The following ASAP1 variants were observed in gnomAD, a reference collection of about 807,000 sequenced individuals.
The protein encoded by ASAP1 is arf-GAP with SH3 domain, ANK repeat and PH domain-containing protein 1.
In ASAP1, 43 loss-of-function variants were observed where a neutral mutation model predicts 145.2. The observed-to-expected ratio is 0.30, with a 90% CI of 0.23 to 0.38. The LOEUF is 0.38. Ranked by LOEUF, ASAP1 falls within the 10% of genes least tolerant of loss-of-function variation. The pLI is 1.00. For missense variants in ASAP1, 1,018 were observed against 1,355.3 expected (o/e 0.75, Z 3.91); for synonymous variants, 546 against 515.5 (o/e 1.06, Z -0.80).
At chr8:130,314,344 T>C (rs769442846) in intron 3 of ASAP1, among the ~76,000 whole-genome samples, 1 of 152,242 alleles carries the variant, frequency 6.6e-6, no homozygotes, top group Non-Finnish European at 1.5e-5. Flanking sequence ...ACCAGCTGTA[T>C]TGCTAGGCAT....
chr8:130,064,095 G>A (rs2097425088), intron 27 of ASAP1, among the ~76,000 whole-genome samples: 1 of 152,114 alleles, frequency 6.6e-6, no homozygotes, highest in Non-Finnish European at 1.5e-5. Flanking sequence ...TGGGGGTTGC[G>A]AGAAGAACCA....
At chr8:130,088,251 C>T (rs2097498049) in intron 25 of ASAP1, among the ~76,000 whole-genome samples, 1 of 152,182 alleles carries the variant, frequency 6.6e-6, no homozygotes, top group African/African-American at 2.4e-5. Context: ...CTGTCTTAGC[C>T]TCCCGAGTAG....
chr8:130,284,854 C>CACACAT (rs1484486603), intron 3 of ASAP1, among the ~76,000 whole-genome samples: 4 of 149,074 alleles, frequency 2.7e-5, no homozygotes, highest in Admixed American at 6.8e-5. Flanking sequence ...CACACACACA[C>CACACAT]ACACACACAC....
chr8:130,175,569 T>A (rs902471386), intron 9 of ASAP1, among the ~76,000 whole-genome samples: 10 of 152,108 alleles, frequency 6.6e-5, no homozygotes, highest in Non-Finnish European at 1.3e-4. Flanking sequence ...CAGACTCTTA[T>A]CAGAAAAATA....
chr8:130,208,581 C>G (rs942601585), intron 5 of ASAP1: 1 of 151,648 alleles, frequency 6.6e-6, no homozygotes, highest in Non-Finnish European at 1.5e-5. Flanking sequence ...TAAAAGCTTA[C>G]AGGGGTATAA....
intron 3 of ASAP1, among the ~76,000 whole-genome samples, chr8:130,343,287 A>T (rs945180526): frequency 2.0e-5 from 3 of 152,212 alleles, no homozygotes; most frequent in Non-Finnish European, 4.4e-5. Flanking sequence ...ATACGGGCTG[A>T]TAAGGCAGAG....
chr8:130,139,148 G>T (rs1290426786), intron 13 of ASAP1, among the ~76,000 whole-genome samples: 1 of 152,168 alleles, frequency 6.6e-6, no homozygotes, highest in Non-Finnish European at 1.5e-5. Flanking sequence ...AGAGATGATT[G>T]AAAGGGTGGA....
chr8:130,169,425 G>A (rs1206113817), intron 9 of ASAP1, among the ~76,000 whole-genome samples: 2 of 152,194 alleles, frequency 1.3e-5, no homozygotes, highest in African/African-American at 4.8e-5. Context: ...GAATTTGAAG[G>A]AGAGAGAAGG....
At chr8:130,229,924 T>C (rs1269346058) in intron 4 of ASAP1, among the ~76,000 whole-genome samples, 2 of 151,962 alleles carry the variant, frequency 1.3e-5, no homozygotes, top group African/African-American at 4.8e-5. Flanking sequence ...TAGCTGGGCA[T>C]GGTGGCATGC....
chr8:130,297,033 G>A (rs1201864374), intron 3 of ASAP1, among the ~76,000 whole-genome samples: 1 of 152,144 alleles, frequency 6.6e-6, no homozygotes, highest in African/African-American at 2.4e-5. Context: ...TTAAAAAACT[G>A]ATACCAGGGC....
At chr8:130,136,900 G>A in intron 14 of ASAP1, 51 bp downstream of exon 14, 7 of 1,438,320 alleles carry the variant, frequency 4.9e-6, no homozygotes, top group Non-Finnish European at 6.9e-6. Context: ...ATGGAAATGT[G>A]CAGGTGTCAG....
intron 27 of ASAP1, 50 bp downstream of exon 27, chr8:130,076,298 G>C (rs1269886186): frequency 7.1e-7 from 1 of 1,412,062 alleles, no homozygotes. Context: ...CCCCTTGGAG[G>C]GGGTAGTGAC....
chr8:130,340,472 T>A (rs907676378), intron 3 of ASAP1, among the ~76,000 whole-genome samples: 2 of 152,236 alleles, frequency 1.3e-5, no homozygotes, highest in African/African-American at 4.8e-5. Context: ...ACTATCACTT[T>A]TCTAGGAGAA....
At chr8:130,244,781 G>A (rs1230662689) in intron 3 of ASAP1, among the ~76,000 whole-genome samples, 1 of 152,126 alleles carries the variant, frequency 6.6e-6, no homozygotes, top group Non-Finnish European at 1.5e-5. Flanking sequence ...CTGTGGGCCA[G>A]GTGCTGTCCT....
intron 3 of ASAP1, among the ~76,000 whole-genome samples, chr8:130,293,303 A>T (rs901291454): frequency 2.0e-5 from 3 of 152,184 alleles, no homozygotes; most frequent in African/African-American, 7.2e-5. Context: ...GTAGCAAAAA[A>T]TGGATTCACC....
intron 3 of ASAP1, among the ~76,000 whole-genome samples, chr8:130,262,416 AAGAGAGAG>A (rs71513089): frequency 0.076 from 4,371 of 57,656 alleles, 196 homozygotes; most frequent in Non-Finnish European, 0.083. Flanking sequence ...AAAAAAAAAA[AAGAGAGAG>A]AGAGAGAGAG....
intron 9 of ASAP1, among the ~76,000 whole-genome samples, chr8:130,177,121 C>T (rs972460190): frequency 4.6e-5 from 7 of 152,112 alleles, no homozygotes; most frequent in Admixed American, 6.6e-5. Context: ...TATCTCTGTC[C>T]CAGAACTGGG....
chr8:130,389,284 C>T (rs1359419344), intron 2 of ASAP1, among the ~76,000 whole-genome samples: 1 of 152,164 alleles, frequency 6.6e-6, no homozygotes, highest in Non-Finnish European at 1.5e-5. Flanking sequence ...TGCCTTCCTG[C>T]CAGGTCAGAC....
chr8:130,121,927 A>G (rs2097566879), intron 18 of ASAP1, among the ~76,000 whole-genome samples: 1 of 151,308 alleles, frequency 6.6e-6, no homozygotes, highest in Non-Finnish European at 1.5e-5. Context: ...ATCTGGCTCC[A>G]CCTCTATCTT....
Sources: allele counts gnomAD v4.1 joint callset (sites outside exome capture counted in the v4.1 genomes callset), GRCh38; gene constraint gnomAD v4.1.1; transcripts MANE v1.5; gene names NCBI Gene and HGNC (gene_info 2026-07-23, HGNC 2026-07-21).